The following ADAMTS7 variants were observed in gnomAD, a reference collection of about 807,000 sequenced individuals.
The protein encoded by ADAMTS7 is ADAM metallopeptidase with thrombospondin type 1 motif 7.
A neutral mutation model predicts 172.6 loss-of-function variants in ADAMTS7; 89 were observed. That is an observed-to-expected ratio of 0.52 (90% CI 0.43 to 0.61). ADAMTS7 has a LOEUF of 0.61. Among genes scored for constraint, ADAMTS7 ranks in the 20% least tolerant of loss-of-function variants. The probability of loss-of-function intolerance (pLI) is 0.00; values close to 1 mark genes in which losing one functional copy is unlikely to be tolerated. For synonymous variants in ADAMTS7, 885 were observed against 978.4 expected, an observed-to-expected ratio of 0.90 and a Z score of 1.78; for missense variants, 1,973 against 2,355.6, an observed-to-expected ratio of 0.84 and a Z score of 3.36.
chr15:78,785,984 C>T (rs1334817529), intron 8 of ADAMTS7, among the ~76,000 whole-genome samples: 1 of 149,814 alleles, frequency 6.7e-6, no homozygotes, highest in African/African-American at 2.4e-5. Flanking sequence ...GGTTGGAGTG[C>T]AGTGGCGCGA....
Position 78,764,024 on chromosome 15 carries a change from G to T in ADAMTS7, c.4495C>A (p.Arg1499=), listed in dbSNP as rs374253167. The T allele has an allele frequency of 4.7e-5, 73 of 1,540,624 alleles. No homozygotes were observed. In the Admixed American group the frequency reaches 1.4e-3, roughly 29 times the overall value. The change falls in exon 21 of 24, where the codon CGG becomes AGG. Residue 1499 remains arginine, a synonymous_variant. Transcript: ENST00000388820. The stretch of plus-strand genomic sequence containing the variant: ...GGCCCGGGCTGACAATGGAAGGGCC[G>T]CAGTGGCCGGAGGTCCCGTGTGTCC... The part of the protein sequence containing the change: ...CVDTRDLRPL[R]PFHCQPGPAK...
In ADAMTS7 at chr15:78,766,180, G is replaced by T. The variant is rs143128314; in HGVS notation, c.3731C>A (p.Ser1244Tyr). 156 of 1,611,262 alleles carry T rather than the reference G, an allele frequency of 9.7e-5. No homozygotes were observed. Among genetic ancestry groups the T allele is most frequent in the Middle Eastern group, 1.9e-4 (1 of 5,358 alleles). Residue 1244 changes from serine to tyrosine, a missense_variant, in exon 19 of 24, where the codon TCC becomes TAC. Transcript: ENST00000388820. ...PRPSSTLPPL[S>Y]PVGSTHSSPS... The stretch of plus-strand genomic sequence containing the variant: ...AGAGGAGTGGGTGCTGCCAACAGGG[G>T]ACAAAGGGGGCAGCGTGGAGCTGGG...
intron 5 of ADAMTS7, 138 bp downstream of exon 5, chr15:78,791,002 G>C: frequency 8.2e-7 from 1 of 1,225,846 alleles, no homozygotes; most frequent in South Asian, 1.4e-5. Flanking sequence ...TCAGGAACCA[G>C]GGGGTGGCAG....
chr15:78,791,308 A>G, intron 4 of ADAMTS7, 85 bp from the exon 5 acceptor site: 1 of 897,932 alleles, frequency 1.1e-6, no homozygotes, highest in East Asian at 4.3e-5. Context: ...CCACCCACGC[A>G]GGGCAACGCA....
intron 2 of ADAMTS7, 124 bp from the exon 3 acceptor site, chr15:78,798,237 G>GGC: frequency 1.1e-6 from 1 of 914,296 alleles, no homozygotes; most frequent in Non-Finnish European, 1.6e-6. Context: ...ACTGCCCGCG[G>GGC]ACACACTGTA....
intron 1 of ADAMTS7, among the ~76,000 whole-genome samples, chr15:78,802,997 A>G (rs1298937165): frequency 2.0e-5 from 3 of 152,078 alleles, no homozygotes; most frequent in Admixed American, 1.3e-4. Context: ...ACCCTGCCAC[A>G]AAAAAATAAA....
Sources: gnomAD v4.1 joint callset for allele counts (sites outside exome capture counted in the v4.1 genomes callset) on GRCh38, gnomAD v4.1.1 for gene constraint, MANE v1.5 for transcripts, NCBI Gene and HGNC (gene_info 2026-07-23, HGNC 2026-07-21) for gene names.